The following ECM2 variants were observed in gnomAD, a reference collection of about 807,000 sequenced individuals.
The protein encoded by ECM2 is extracellular matrix protein 2, female organ and adipocyte specific.
Under a neutral mutation model 67.5 loss-of-function variants are expected in ECM2, and 57 were observed. The ratio of observed to expected loss-of-function variants is 0.84; its 90% CI spans 0.68 to 1.05. The LOEUF is 1.05. ECM2 is among the 50% of genes least tolerant of loss of function. The pLI is 0.00. For synonymous variants in ECM2, 258 were observed against 294.5 expected, an observed-to-expected ratio of 0.88 and a Z score of 1.27; for missense variants, 741 against 822.8, an observed-to-expected ratio of 0.90 and a Z score of 1.22.
intron 6 of ECM2, among the ~76,000 whole-genome samples, chr9:92,508,338 A>G (rs999562081): frequency 3.9e-5 from 6 of 152,232 alleles, no homozygotes; most frequent in Non-Finnish European, 5.9e-5. Context: ...AAGGTGGGCT[A>G]AGAAAGGCAG....
chr9:92,496,452 C>A lies in ECM2; in HGVS notation c.1963G>T (p.Glu655Ter). 1 of 1,607,458 alleles carries A rather than the reference C, an allele frequency of 6.2e-7. No individual in the cohort carries two copies. The highest frequency in any genetic ancestry group is 1.1e-5 in the South Asian group (1 of 89,026). Residue 655 changes from glutamate (E) to a stop codon, truncating the protein, a stop_gained, in exon 10 of 10, where the codon GAA becomes TAA. Transcript: ENST00000344604. LOFTEE classifies it high-confidence loss of function. ...TCCAGATTTGAGTCATCATCCTCTT[C>A]AGCATTGCAAATTTCTTCTGGAAGA... The part of the protein sequence containing the change: ...NILPEEICNA[E>*]EDDDSNLEHL...
chr9:92,502,769 C>T (rs1466260809), intron 7 of ECM2, 117 bp from the exon 8 acceptor site: 13 of 763,540 alleles, frequency 1.7e-5, no homozygotes, highest in Non-Finnish European at 2.5e-5. Flanking sequence ...AAGAGTCTTA[C>T]TGCTCTTTCA....
rs1400261106 is a variant in ECM2, at chr9:92,529,333, T to TC, written c.-27-6441_-27-6440insG. Among the ~76,000 whole-genome samples the TC allele has an allele frequency of 2.0e-5, 3 of 152,186 alleles. No homozygotes were observed. The East Asian group carries it at 5.8e-4, about 29-fold the overall frequency. On this transcript the variant is annotated intron_variant, in intron 1 of 9. Transcript: ENST00000344604. The stretch of plus-strand genomic sequence containing the variant: ...AGTGCTGGTGAGTGTGTGGAGCAAC[T>TC]GTAAGTCTCATTCGGTGCTGGTGGG...
At chr9:92,502,794 TTTAAG>T (rs2131159228) in intron 7 of ECM2, 142 bp from the exon 8 acceptor site, 1 of 760,228 alleles carries the variant, frequency 1.3e-6, no homozygotes, top group Non-Finnish European at 1.9e-6. Flanking sequence ...AGCTCATATT[TTTAAG>T]TTGTCTTTTT....
At chr9:92,539,364 AC>A (rs1448476148), upstream of ECM2, among the ~76,000 whole-genome samples, 3 of 57,548 alleles carry the variant, frequency 5.2e-5, no homozygotes, top group Non-Finnish European at 6.8e-5. Context: ...CCCCACCCCA[AC>A]CCACTGCCTG....
At chr9:92,549,339 A>G in the ECM2 span, among the ~76,000 whole-genome samples, 1 of 152,210 alleles carries the variant, frequency 6.6e-6, no homozygotes, top group African/African-American at 2.4e-5. Context: ...GCACAGGACA[A>G]GAATGATTTG....
chr9:92,504,336 T>A (rs1484256049), intron 7 of ECM2, among the ~76,000 whole-genome samples: 1 of 152,210 alleles, frequency 6.6e-6, no homozygotes, highest in Non-Finnish European at 1.5e-5. Flanking sequence ...GTGGTAGCCA[T>A]GACAGCCACA....
the ECM2 span, among the ~76,000 whole-genome samples, chr9:92,547,035 T>C: frequency 6.6e-6 from 1 of 152,130 alleles, no homozygotes; most frequent in Non-Finnish European, 1.5e-5. Context: ...AAAATACGTA[T>C]ATATTAGCAG....
chr9:92,522,890 A>G lies in ECM2; in HGVS notation c.-24T>C, dbSNP rs1421088465. On this transcript the variant is annotated 5_prime_UTR_variant, in exon 2 of 10. Transcript: ENST00000344604. The stretch of plus-strand genomic sequence containing the variant: ...ATGTTTGATTTTTTTCCACCAGCCA[A>G]TTTCTAGAATGAAACAATATTTCAA... 1.9e-6 allele frequency: 3 copies of G among 1,573,382 alleles called. No individual in the cohort carries two copies. The African/African-American group carries it at 4.1e-5, about 21-fold the overall frequency.
the ECM2 span, among the ~76,000 whole-genome samples, chr9:92,554,279 G>A: frequency 2.4e-4 from 37 of 151,996 alleles, no homozygotes; most frequent in African/African-American, 8.2e-4. Flanking sequence ...TGCCTCCCAG[G>A]TTCAAGTGAT....
chr9:92,512,809 A>G (rs1350432049), intron 4 of ECM2, among the ~76,000 whole-genome samples: 2 of 152,226 alleles, frequency 1.3e-5, no homozygotes, highest in African/African-American at 4.8e-5. Flanking sequence ...AAACCATAAC[A>G]GTGTAGCTCA....
the ECM2 span, among the ~76,000 whole-genome samples, chr9:92,552,758 T>C: frequency 2.6e-5 from 4 of 152,174 alleles, no homozygotes; most frequent in African/African-American, 7.2e-5. Flanking sequence ...GTCAGATGTA[T>C]AGATTGTGAG....
the ECM2 span, among the ~76,000 whole-genome samples, chr9:92,552,020 ATAGAT>A: frequency 2.2e-5 from 3 of 136,880 alleles, no homozygotes; most frequent in African/African-American, 9.1e-5. Context: ...ATATGATATG[ATAGAT>A]CTATCATATA....
chr9:92,552,662 C>T, the ECM2 span, among the ~76,000 whole-genome samples: 18 of 152,082 alleles, frequency 1.2e-4, no homozygotes, highest in Middle Eastern at 3.4e-3. Context: ...ATTGTCTATT[C>T]GTGTCATTAG....
intron 2 of ECM2, among the ~76,000 whole-genome samples, chr9:92,521,175 ATACT>A (rs921189255): frequency 4.6e-5 from 7 of 152,244 alleles, no homozygotes; most frequent in African/African-American, 1.2e-4. Flanking sequence ...CAACTTGGAA[ATACT>A]TAGTATATAT....
the ECM2 span, among the ~76,000 whole-genome samples, chr9:92,545,538 C>CA: frequency 6.6e-6 from 1 of 151,702 alleles, no homozygotes; most frequent in Non-Finnish European, 1.5e-5. Context: ...CCCGCCCCGC[C>CA]GGGCCCCTTC....
chr9:92,512,789 CCTT>C (rs1280977515), intron 4 of ECM2, among the ~76,000 whole-genome samples: 1 of 152,162 alleles, frequency 6.6e-6, no homozygotes, highest in Non-Finnish European at 1.5e-5. Context: ...CACGTGGTGA[CCTT>C]CTTATAAAAC....
At chr9:92,547,360 A>G in the ECM2 span, among the ~76,000 whole-genome samples, 1 of 152,368 alleles carries the variant, frequency 6.6e-6, no homozygotes, top group East Asian at 1.9e-4. Context: ...ACAATTGTTC[A>G]TTGCTACACT....
At chr9:92,532,013 A>ATGTTTTTTTTTT (rs1563990152) in intron 1 of ECM2, among the ~76,000 whole-genome samples, 13 of 68,952 alleles carry the variant, frequency 1.9e-4, no homozygotes, top group African/African-American at 1.4e-3. Context: ...TTTTTATTTA[A>ATGTTTTTTTTTT]TGTTTTTTTT....
Sources: gnomAD v4.1 joint callset for allele counts (sites outside exome capture counted in the v4.1 genomes callset) on GRCh38, gnomAD v4.1.1 for gene constraint, MANE v1.5 for transcripts, NCBI Gene and HGNC (gene_info 2026-07-23, HGNC 2026-07-21) for gene names.